The following SORCS2 variants were observed in gnomAD, a reference collection of about 807,000 sequenced individuals.
SORCS2 encodes the protein sortilin related VPS10 domain containing receptor 2.
Under a neutral mutation model 141.6 loss-of-function variants are expected in SORCS2, and 100 were observed. That is an observed-to-expected ratio of 0.71 (90% confidence interval 0.60 to 0.83). The LOEUF is 0.83. Ranked by LOEUF, SORCS2 falls within the 40% of genes least tolerant of loss-of-function variation. The pLI is 0.00. For synonymous variants in SORCS2, 789 were observed against 676.9 expected, an observed-to-expected ratio of 1.17 and a Z score of -2.57; for missense variants, 1,646 against 1,560.2, an observed-to-expected ratio of 1.05 and a Z score of -0.93.
chr4:7,389,127 T>A (rs1282068927), intron 1 of SORCS2, among the ~76,000 whole-genome samples: 1 of 152,028 alleles, frequency 6.6e-6, no homozygotes, highest in African/African-American at 2.4e-5. Context: ...GGTGAACAAA[T>A]TCTGTTCCTG....
At chr4:7,561,702 T>C (rs1299023344) in intron 3 of SORCS2, among the ~76,000 whole-genome samples, 1 of 151,882 alleles carries the variant, frequency 6.6e-6, no homozygotes, top group African/African-American at 2.4e-5. Context: ...TTATCTACCA[T>C]CCATTCATCT....
chr4:7,415,627 G>A (rs577065458), intron 2 of SORCS2, among the ~76,000 whole-genome samples: 2 of 152,376 alleles, frequency 1.3e-5, no homozygotes, highest in African/African-American at 2.4e-5. Flanking sequence ...GCATTAGGAT[G>A]TGGACCTGTT....
At chr4:7,300,213 G>A (rs912852875) in intron 1 of SORCS2, among the ~76,000 whole-genome samples, 5 of 152,162 alleles carry the variant, frequency 3.3e-5, no homozygotes, top group African/African-American at 7.2e-5. Flanking sequence ...TGCCAGGAGA[G>A]CTTCCTGGAG....
chr4:7,552,773 CT>C (rs1713811067), intron 3 of SORCS2, among the ~76,000 whole-genome samples: 1 of 152,218 alleles, frequency 6.6e-6, no homozygotes, highest in Non-Finnish European at 1.5e-5. Flanking sequence ...TCCAGCACCC[CT>C]GAGCTCTGTA....
At chr4:7,650,900 G>A (rs988442162) in intron 4 of SORCS2, among the ~76,000 whole-genome samples, 2 of 152,130 alleles carry the variant, frequency 1.3e-5, no homozygotes, top group Non-Finnish European at 2.9e-5. Context: ...TTCAGCATAT[G>A]ATGCTTCTGG....
intron 2 of SORCS2, among the ~76,000 whole-genome samples, chr4:7,401,230 GATGGATGGACAGATGA>G (rs1724573779): frequency 6.6e-6 from 1 of 152,090 alleles, no homozygotes; most frequent in Non-Finnish European, 1.5e-5. Flanking sequence ...TGGATGGATG[GATGGATGGACAGATGA>G]ATGAATGGAT....
intron 1 of SORCS2, among the ~76,000 whole-genome samples, chr4:7,327,790 G>C (rs1313023862): frequency 1.3e-5 from 2 of 152,118 alleles, no homozygotes; most frequent in African/African-American, 4.8e-5. Flanking sequence ...ATGAGGGCTT[G>C]GCTTGTGTGA....
intron 19 of SORCS2, 40 bp from the exon 20 acceptor site, chr4:7,725,114 C>A: frequency 6.3e-7 from 1 of 1,598,946 alleles, no homozygotes; most frequent in Middle Eastern, 1.7e-4. Context: ...TGCCCCATGC[C>A]CTGATATCAT....
chr4:7,737,050 C>G lies in SORCS2; in HGVS notation c.3312-19C>G, dbSNP rs1283530479. On this transcript the variant is annotated intron_variant, in intron 25 of 26. Coordinates refer to ENST00000507866, the MANE Select transcript of SORCS2 (RefSeq NM_020777.3). ...GGGAAGCCCCTCCAAGCTGAGCCGC[C>G]CTTGCCTCTGTCCAGCAGGAAACGG... 6.4e-7 allele frequency: 1 copy of G among 1,550,656 alleles called. No homozygotes were observed. Among genetic ancestry groups the G allele is most frequent in the South Asian group, 1.2e-5 (1 of 84,034 alleles).
intron 1 of SORCS2, among the ~76,000 whole-genome samples, chr4:7,265,361 T>C (rs975151581): frequency 6.6e-6 from 1 of 152,144 alleles, no homozygotes; most frequent in South Asian, 2.1e-4. Flanking sequence ...CATGCTGGTG[T>C]GTGCCTGTGG....
At chr4:7,437,148 T>G (rs538782955) in intron 2 of SORCS2, among the ~76,000 whole-genome samples, 1 of 152,218 alleles carries the variant, frequency 6.6e-6, no homozygotes, top group East Asian at 1.9e-4. Context: ...CAGCCCCCAC[T>G]GTAGATGCTA....
chr4:7,661,265 T>C (rs1722144052), intron 5 of SORCS2, among the ~76,000 whole-genome samples: 1 of 111,622 alleles, frequency 9.0e-6, no homozygotes, highest in East Asian at 2.1e-4. Flanking sequence ...CCCCCTCAGC[T>C]CACTCAAGGA....
At chr4:7,295,777 G>A (rs1717008336) in intron 1 of SORCS2, among the ~76,000 whole-genome samples, 1 of 152,236 alleles carries the variant, frequency 6.6e-6, no homozygotes, top group Non-Finnish European at 1.5e-5. Context: ...GGCCTCCTGG[G>A]ATGGAGCCTT....
intron 2 of SORCS2, among the ~76,000 whole-genome samples, chr4:7,464,954 C>T (rs1407027534): frequency 6.6e-6 from 1 of 152,272 alleles, no homozygotes; most frequent in African/African-American, 2.4e-5. Flanking sequence ...CGGCTCCTCG[C>T]TGCAGCCTGA....
chr4:7,213,703 G>A (rs1560115477), intron 1 of SORCS2, among the ~76,000 whole-genome samples: 1 of 152,196 alleles, frequency 6.6e-6, no homozygotes, highest in East Asian at 1.9e-4. Context: ...GGGTTGGGCA[G>A]AGTTCTCCCC....
chr4:7,408,067 G>A (rs964732986), intron 2 of SORCS2, among the ~76,000 whole-genome samples: 1 of 152,064 alleles, frequency 6.6e-6, no homozygotes, highest in Non-Finnish European at 1.5e-5. Flanking sequence ...TTCAATAGAT[G>A]TATCTTCTGG....
intron 2 of SORCS2, among the ~76,000 whole-genome samples, chr4:7,445,629 G>C (rs1364172696): frequency 6.6e-6 from 1 of 152,148 alleles, no homozygotes; most frequent in African/African-American, 2.4e-5. Flanking sequence ...CCAGGATGGG[G>C]GCTGCAGGGA....
intron 2 of SORCS2, among the ~76,000 whole-genome samples, chr4:7,440,178 G>A (rs950483903): frequency 1.8e-4 from 27 of 152,262 alleles, no homozygotes; most frequent in Non-Finnish European, 2.9e-5. Context: ...AAGTAAAGAC[G>A]AGCCTGGCCA....
At chr4:7,280,212 A>C (rs1052747025) in intron 1 of SORCS2, among the ~76,000 whole-genome samples, 1 of 152,130 alleles carries the variant, frequency 6.6e-6, no homozygotes, top group Non-Finnish European at 1.5e-5. Context: ...CCGGGTACCC[A>C]CAGAGAAACA....
Sources: gnomAD v4.1 joint callset for allele counts (sites outside exome capture counted in the v4.1 genomes callset) on GRCh38, gnomAD v4.1.1 for gene constraint, MANE v1.5 for transcripts, NCBI Gene and HGNC (gene_info 2026-07-23, HGNC 2026-07-21) for gene names.